ELMO1: variants seen among roughly 807,000 people sequenced by gnomAD.
ELMO1 encodes the protein engulfment and cell motility 1, also known as engulfment and cell motility protein 1.
ELMO1 carries 26 observed loss-of-function variants against 98.9 expected under a neutral mutation model. That is an observed-to-expected ratio of 0.26 (90% CI 0.19 to 0.36). The LOEUF is 0.36. Ranked by LOEUF, ELMO1 falls within the 10% of genes least tolerant of loss-of-function variation. ELMO1 has a pLI of 1.00. For missense variants in ELMO1, 627 were observed against 935.2 expected, an observed-to-expected ratio of 0.67 and a Z score of 4.30; for synonymous variants, 346 against 346.0, an observed-to-expected ratio of 1.00 and a Z score of 0.00.
intron 8 of ELMO1, among the ~76,000 whole-genome samples, chr7:37,225,848 A>G (rs1227603255): frequency 6.6e-6 from 1 of 152,242 alleles, no homozygotes; most frequent in Non-Finnish European, 1.5e-5. Context: ...GCCTCATTAA[A>G]AGTTATTACT....
At chr7:37,259,904 T>G (rs929844066) in intron 5 of ELMO1, among the ~76,000 whole-genome samples, 2 of 152,192 alleles carry the variant, frequency 1.3e-5, no homozygotes, top group Non-Finnish European at 2.9e-5. Flanking sequence ...AATTTCAATT[T>G]TCAACAACAT....
intron 14 of ELMO1, among the ~76,000 whole-genome samples, chr7:37,127,906 A>T (rs1786642706): frequency 1.3e-5 from 2 of 152,072 alleles, no homozygotes; most frequent in African/African-American, 2.4e-5. Flanking sequence ...CAAGAACATA[A>T]ATTTGGCTGG....
At chr7:37,129,987 C>A (rs1786797895) in intron 14 of ELMO1, among the ~76,000 whole-genome samples, 1 of 152,166 alleles carries the variant, frequency 6.6e-6, no homozygotes, top group African/African-American at 2.4e-5. Context: ...TCTCATGGTT[C>A]CATCCACATG....
intron 4 of ELMO1, among the ~76,000 whole-genome samples, chr7:37,304,735 G>A (rs1798519902): frequency 6.6e-6 from 1 of 152,044 alleles, no homozygotes; most frequent in Non-Finnish European, 1.5e-5. Flanking sequence ...AGAAAGAAAA[G>A]AAAGTAAAAC....
At chr7:37,352,308 G>T (rs1801307601) in intron 1 of ELMO1, among the ~76,000 whole-genome samples, 1 of 152,122 alleles carries the variant, frequency 6.6e-6, no homozygotes, top group Non-Finnish European at 1.5e-5. Context: ...GTCTCATTAT[G>T]TTACCTGGTC....
At chr7:37,001,790 T>C (rs150039345) in intron 16 of ELMO1, among the ~76,000 whole-genome samples, 26 of 152,250 alleles carry the variant, frequency 1.7e-4, no homozygotes, top group African/African-American at 6.0e-4. Context: ...AGGGTGAAGA[T>C]ATGGAGATAA....
At chr7:36,897,637 T>A (rs1806148857) in intron 16 of ELMO1, among the ~76,000 whole-genome samples, 1 of 152,154 alleles carries the variant, frequency 6.6e-6, no homozygotes, top group Non-Finnish European at 1.5e-5. Flanking sequence ...ATCGCCTGCA[T>A]TTACAGGCTC....
intron 13 of ELMO1, among the ~76,000 whole-genome samples, chr7:37,184,785 G>C (rs1262676540): frequency 6.6e-6 from 1 of 151,710 alleles, no homozygotes; most frequent in East Asian, 1.9e-4. Flanking sequence ...GTGGTGGCAT[G>C]TTACTCAGGA....
At chr7:36,895,570 C>T (rs1024895860) in intron 16 of ELMO1, among the ~76,000 whole-genome samples, 2 of 152,078 alleles carry the variant, frequency 1.3e-5, no homozygotes, top group African/African-American at 4.8e-5. Flanking sequence ...GTGATATTGC[C>T]TCTTTGAGCC....
intron 21 of ELMO1, among the ~76,000 whole-genome samples, chr7:36,860,665 G>A (rs1169005240): frequency 2.0e-5 from 3 of 152,132 alleles, no homozygotes; most frequent in Non-Finnish European, 2.9e-5. Context: ...GGCCTGTGTA[G>A]AACCACAATT....
intron 2 of ELMO1, among the ~76,000 whole-genome samples, chr7:37,327,545 G>T (rs566228179): frequency 6.6e-6 from 1 of 152,190 alleles, no homozygotes; most frequent in Non-Finnish European, 1.5e-5. Flanking sequence ...GCAGTCAAAA[G>T]AACACTGAAA....
chr7:37,314,430 C>T (rs528184499), intron 4 of ELMO1, among the ~76,000 whole-genome samples: 29 of 152,320 alleles, frequency 1.9e-4, no homozygotes, highest in African/African-American at 6.7e-4. Context: ...TCATAGAACA[C>T]TCTTAGTGCC....
intron 2 of ELMO1, among the ~76,000 whole-genome samples, chr7:37,321,857 CTTTTTT>C (rs869082330): frequency 2.2e-5 from 3 of 137,454 alleles, no homozygotes; most frequent in African/African-American, 7.9e-5. Flanking sequence ...AAGTAACTCC[CTTTTTT>C]TTTTTTTTTT....
chr7:36,971,483 AAGT>A (rs1437125488), intron 16 of ELMO1, among the ~76,000 whole-genome samples: 1 of 152,208 alleles, frequency 6.6e-6, no homozygotes, highest in Non-Finnish European at 1.5e-5. Flanking sequence ...TCAAGGGAGG[AAGT>A]AGCTGACTTA....
rs559271378 is a variant in ELMO1 at position 37,074,809 on chromosome 7, T to C, written c.1300+21810A>G. Among the ~76,000 whole-genome samples the C allele has an allele frequency of 3.3e-5, 5 of 152,310 alleles. No individual in the cohort carries two copies. The East Asian group carries it at 7.7e-4, about 23-fold the overall frequency. ...TTTAGGGAGTTGCAAATGGGCAAAATGCAAGCTGATTTTGGTTGTTAGTTT... is the reference window on the plus strand; with the variant it reads ...TTTAGGGAGTTGCAAATGGGCAAAACGCAAGCTGATTTTGGTTGTTAGTTT... On this transcript the variant is annotated intron_variant, in intron 15 of 21. Coordinates refer to ENST00000310758, the MANE Select transcript of ELMO1 (RefSeq NM_014800.11).
Position 37,040,774 on chromosome 7 carries a change from A to G in ELMO1, c.1301-27339T>C, listed in dbSNP as rs144148797. On this transcript the variant is annotated intron_variant, in intron 15 of 21. Coordinates refer to ENST00000310758, the MANE Select transcript of ELMO1 (RefSeq NM_014800.11). ...CTTATTCCTGTATTATTAGCGTTCT[A>G]GCACTCTAAAAGTCATATGGGGCTG... 2.8e-3 allele frequency among the ~76,000 whole-genome samples: 431 copies of G among 152,230 alleles called. 3 individuals are homozygous for G. The highest frequency in any genetic ancestry group is 9.9e-3 in the African/African-American group (412 of 41,560).
At chr7:37,213,496 A>G in intron 11 of ELMO1, 39 bp from the exon 12 acceptor site, 3 of 1,562,206 alleles carry the variant, frequency 1.9e-6, no homozygotes, top group Non-Finnish European at 2.6e-6. Flanking sequence ...TTTAAAAAAG[A>G]AAGAAAAGGA....
chr7:36,963,135 A>T lies in ELMO1; in HGVS notation c.1437+50164T>A, dbSNP rs184996863. Among the ~76,000 whole-genome samples the T allele has an allele frequency of 1.5e-3, 232 of 152,284 alleles. 1 individual carries two copies. Among genetic ancestry groups the T allele is most frequent in the African/African-American group, 4.1e-3 (170 of 41,552 alleles). ...CGTGGTGGCTCACGCCTGTAATCCC[A>T]GCACTTTGGGAGGCCGAGGTGGGCA... On this transcript the variant is annotated intron_variant, in intron 16 of 21. Coordinates refer to ENST00000310758, the MANE Select transcript of ELMO1 (RefSeq NM_014800.11).
intron 16 of ELMO1, among the ~76,000 whole-genome samples, chr7:36,990,486 G>A (rs1321568425): frequency 6.6e-6 from 1 of 152,122 alleles, no homozygotes; most frequent in Non-Finnish European, 1.5e-5. Context: ...GGGAATCACA[G>A]TATCAAATAC....
Sources: allele counts gnomAD v4.1 joint callset (sites outside exome capture counted in the v4.1 genomes callset), GRCh38; gene constraint gnomAD v4.1.1; transcripts MANE v1.5; gene names NCBI Gene and HGNC (gene_info 2026-07-23, HGNC 2026-07-21).